The following PHACTR1 variants were observed in gnomAD, a reference collection of about 807,000 sequenced individuals.
PHACTR1 encodes RPEL repeat containing 1.
In PHACTR1, 16 loss-of-function variants were observed where a neutral mutation model predicts 69.2. That is an observed-to-expected ratio of 0.23 (90% CI 0.16 to 0.35). The LOEUF (loss-of-function observed/expected upper bound fraction) is 0.35. PHACTR1 is among the 10% of genes least tolerant of loss of function. The pLI is 1.00. For missense variants in PHACTR1, 510 were observed against 734.7 expected (o/e 0.69, Z 3.54); for synonymous variants, 312 against 284.5 (o/e 1.10, Z -0.97).
chr6:12,729,125 C>T (rs1763162190), intron 3 of PHACTR1, among the ~76,000 whole-genome samples: 1 of 152,232 alleles, frequency 6.6e-6, no homozygotes, highest in African/African-American at 2.4e-5. Flanking sequence ...CGCCCCATCA[C>T]TTCTTTTCTC....
At chr6:12,820,931 G>A (rs1464474230) in intron 4 of PHACTR1, among the ~76,000 whole-genome samples, 2 of 152,106 alleles carry the variant, frequency 1.3e-5, no homozygotes, top group African/African-American at 4.8e-5. Flanking sequence ...TGCCCTATGT[G>A]CTGTTGAGAA....
At chr6:12,781,858 G>C (rs1258984750) in intron 4 of PHACTR1, among the ~76,000 whole-genome samples, 1 of 152,314 alleles carries the variant, frequency 6.6e-6, no homozygotes, top group Non-Finnish European at 1.5e-5. Flanking sequence ...AAAATCCCAA[G>C]TGAAAGAATG....
At chr6:12,963,454 T>TAA (rs36012157) in intron 4 of PHACTR1, among the ~76,000 whole-genome samples, 28 of 145,354 alleles carry the variant, frequency 1.9e-4, no homozygotes, top group Admixed American at 3.4e-4. Context: ...TGATTTTCTT[T>TAA]AAAAAAAAAA....
At chr6:13,272,538 G>C (rs1221463643) in intron 10 of PHACTR1, 1 of 507,300 alleles carries the variant, frequency 2.0e-6, no homozygotes, top group East Asian at 4.4e-5. Flanking sequence ...CACAAGGAAA[G>C]AAAAGGACTT....
At chr6:12,791,887 G>A (rs998204087) in intron 4 of PHACTR1, among the ~76,000 whole-genome samples, 3 of 152,092 alleles carry the variant, frequency 2.0e-5, no homozygotes, top group South Asian at 2.1e-4. Flanking sequence ...GAAAGCAGAC[G>A]GTAAATACAT....
At chr6:12,799,927 T>C (rs1250644690) in intron 4 of PHACTR1, among the ~76,000 whole-genome samples, 1 of 152,222 alleles carries the variant, frequency 6.6e-6, no homozygotes, top group African/African-American at 2.4e-5. Flanking sequence ...CATGTTACAC[T>C]CTTTTGCAAT....
intron 4 of PHACTR1, among the ~76,000 whole-genome samples, chr6:12,950,940 G>A (rs1290308794): frequency 1.3e-5 from 2 of 152,096 alleles, no homozygotes; most frequent in African/African-American, 4.8e-5. Context: ...GGTCCTATTT[G>A]GGCACAAGTC....
In PHACTR1 at chr6:12,934,252, C is replaced by T. The variant is rs142194841; in HGVS notation, c.251-119113C>T. Among the ~76,000 whole-genome samples, 726 of 152,314 alleles carry T rather than the reference C, an allele frequency of 4.8e-3. 4 individuals carry two copies. Among genetic ancestry groups the T allele is most frequent in the African/African-American group, 0.016 (657 of 41,574 alleles). On this transcript the variant is annotated intron_variant, in intron 4 of 14. Transcript: ENST00000332995. ...CCTTTGTCCAGGTCAGTCTCTGGGG[C>T]TCTTCTCTTCTTATAAAGTCACCAG...
chr6:13,280,678 C>T, intron 12 of PHACTR1: 1 of 323,632 alleles, frequency 3.1e-6, no homozygotes, highest in Non-Finnish European at 6.1e-6. Flanking sequence ...TTTTCTCTGA[C>T]CAAACTGAGA....
intron 4 of PHACTR1, among the ~76,000 whole-genome samples, chr6:12,984,200 C>T (rs1795854658): frequency 6.6e-6 from 1 of 152,220 alleles, no homozygotes; most frequent in Non-Finnish European, 1.5e-5. Context: ...ACATCCTCTC[C>T]AGCACCTGTT....
At chr6:12,838,543 T>G (rs1484643808) in intron 4 of PHACTR1, among the ~76,000 whole-genome samples, 1 of 152,232 alleles carries the variant, frequency 6.6e-6, no homozygotes, top group Non-Finnish European at 1.5e-5. Flanking sequence ...AGTAGTAGTT[T>G]ATAACAAGTT....
chr6:13,108,851 T>G (rs979067438), intron 5 of PHACTR1, among the ~76,000 whole-genome samples: 2 of 152,074 alleles, frequency 1.3e-5, no homozygotes, highest in Non-Finnish European at 2.9e-5. Flanking sequence ...GCTACTTATT[T>G]TCCATTTGTC....
At chr6:12,895,339 AC>A (rs1784559509) in intron 4 of PHACTR1, among the ~76,000 whole-genome samples, 1 of 151,554 alleles carries the variant, frequency 6.6e-6, no homozygotes. Flanking sequence ...CTGCCACCAC[AC>A]CTGGCTAATT....
intron 5 of PHACTR1, among the ~76,000 whole-genome samples, chr6:13,058,525 A>C (rs1807140257): frequency 6.6e-6 from 1 of 152,178 alleles, no homozygotes; most frequent in East Asian, 1.9e-4. Context: ...AACCAGACCT[A>C]GTCAGTGACC....
At chr6:13,269,453 C>A (rs561408043) in intron 10 of PHACTR1, among the ~76,000 whole-genome samples, 10 of 152,170 alleles carry the variant, frequency 6.6e-5, no homozygotes, top group Admixed American at 2.0e-4. Flanking sequence ...CAAATTTAGA[C>A]CCCCTAATAT....
At chr6:12,856,280 G>GTTT (rs1780356337) in intron 4 of PHACTR1, among the ~76,000 whole-genome samples, 1 of 134,970 alleles carries the variant, frequency 7.4e-6, no homozygotes, top group African/African-American at 2.8e-5. Context: ...TGAGACAGGA[G>GTTT]TTTCGCTCTG....
chr6:13,228,140 G>A, intron 9 of PHACTR1, 77 bp downstream of exon 9: 1 of 1,502,514 alleles, frequency 6.7e-7, no homozygotes, highest in South Asian at 1.3e-5. Flanking sequence ...GGACCCAGCA[G>A]CCCAGCAGTC....
chr6:12,824,516 C>T (rs903202497), intron 4 of PHACTR1, among the ~76,000 whole-genome samples: 1 of 152,160 alleles, frequency 6.6e-6, no homozygotes, highest in Middle Eastern at 3.4e-3. Context: ...TATAAATCTG[C>T]ATACTATTAA....
chr6:12,826,702 G>A (rs1427551088), intron 4 of PHACTR1, among the ~76,000 whole-genome samples: 2 of 152,088 alleles, frequency 1.3e-5, no homozygotes, highest in Admixed American at 6.6e-5. Flanking sequence ...GAAATATACT[G>A]TGCTAGAGAA....
Sources: allele counts gnomAD v4.1 joint callset (sites outside exome capture counted in the v4.1 genomes callset), GRCh38; gene constraint gnomAD v4.1.1; transcripts MANE v1.5; gene names NCBI Gene and HGNC (gene_info 2026-07-23, HGNC 2026-07-21).